The following SLC6A20 variants were observed in gnomAD, a reference collection of about 807,000 sequenced individuals.
SLC6A20 encodes the protein sodium- and chloride-dependent transporter XTRP3.
A neutral mutation model predicts 64.3 loss-of-function variants in SLC6A20; 73 were observed. The ratio of observed to expected loss-of-function variants is 1.14; its 90% CI spans 0.94 to 1.38. The LOEUF is 1.38. SLC6A20 is among the 40% of genes most tolerant of loss of function. The pLI is 0.00. For synonymous variants in SLC6A20, 347 were observed against 329.6 expected, an observed-to-expected ratio of 1.05 and a Z score of -0.57; for missense variants, 725 against 772.8, an observed-to-expected ratio of 0.94 and a Z score of 0.73.
chr3:45,787,977 G>A lies in SLC6A20; in HGVS notation c.122-5754C>T, dbSNP rs558674056. On this transcript the variant is annotated intron_variant, in intron 1 of 10. Coordinates refer to ENST00000358525, the MANE Select transcript of SLC6A20 (RefSeq NM_020208.4). ...GTGGAATAACTTTGGATAGGGTCTC[G>A]CTCTGTTGCCCAGGCTGGAGTGCAG... Among the ~76,000 whole-genome samples, 10 of 152,124 alleles carry A rather than the reference G, an allele frequency of 6.6e-5. No homozygotes were observed. In the South Asian group the frequency reaches 1.2e-3, roughly 19 times the overall value.
rs1313329174 is a variant in SLC6A20 at position 45,765,034 on chromosome 3, G to A, written c.1303+503C>T. On this transcript the variant is annotated intron_variant, in intron 8 of 10. Coordinates refer to ENST00000358525, the MANE Select transcript of SLC6A20 (RefSeq NM_020208.4). This position sits in a 1 kb window ranked among gnomAD's most constrained non-coding sequence, Gnocchi z 4.2. ...TCGAGACCAGCCTGGCCAACATGGT[G>A]AAACCCCTTCTCTACTAAAAATACA... Among the ~76,000 whole-genome samples the A allele has an allele frequency of 6.6e-6, 1 of 151,758 alleles. No individual in the cohort carries two copies. Among genetic ancestry groups the A allele is most frequent in the Non-Finnish European group, 1.5e-5 (1 of 67,922 alleles).
At position 45,765,665 on chromosome 3, in the gene SLC6A20, G is replaced by C. The variant is rs545433275; in HGVS notation, c.1175C>G (p.Ser392Trp). 3.0e-5 allele frequency: 49 copies of C among 1,614,048 alleles called. No individual in the cohort carries two copies. Among genetic ancestry groups the C allele is most frequent in the Non-Finnish European group, 4.0e-5 (47 of 1,180,036 alleles). ...CAGCAGCATGAAGAAGTAGAGCACC[G>C]ACCACAGCTGGGACACCTCCATGTT... ...IKNMEVSQLW[S>W]VLYFFMLLML... Residue 392 changes from serine to tryptophan, a missense_variant, in exon 8 of 11, where the codon TCG becomes TGG. By Grantham distance (177) the Ser-to-Trp change is radical. Coordinates refer to ENST00000358525, the MANE Select transcript of SLC6A20 (RefSeq NM_020208.4). The surrounding 1 kb of genome is among the most constrained non-coding windows in gnomAD (Gnocchi z 4.2).
chr3:45,764,469 A>G (rs1699738205), intron 8 of SLC6A20, among the ~76,000 whole-genome samples: 1 of 152,186 alleles, frequency 6.6e-6, no homozygotes, highest in Non-Finnish European at 1.5e-5. Flanking sequence ...TTGGGAGGCC[A>G]AGGCAGGCAG....
chr3:45,795,818 T>A (rs982859268), intron 1 of SLC6A20, among the ~76,000 whole-genome samples: 3 of 152,214 alleles, frequency 2.0e-5, no homozygotes, highest in African/African-American at 7.2e-5. Context: ...TTATAAAAAA[T>A]TTAAAGAAAT....
rs1303925065 is a variant in SLC6A20 at position 45,757,439 on chromosome 3, G to T, written c.*1539C>A. On this transcript the variant is annotated 3_prime_UTR_variant, in exon 11 of 11. Coordinates refer to ENST00000358525, the MANE Select transcript of SLC6A20 (RefSeq NM_020208.4). ...AGAGGTCCCTGCAGCTTTCTGCTGT[G>T]CATTGTGTCCCTGGTTAATCGAGAA... The T allele has an allele frequency of 3.3e-5, 5 of 152,268 alleles. No homozygotes were observed. The highest frequency in any genetic ancestry group is 7.3e-5 in the Non-Finnish European group (5 of 68,128). The allele number at this position is 152,268 out of a possible 1,614,324, so 9.4% of individuals were successfully genotyped here. A position where few individuals can be genotyped will look rare whatever the true frequency, so the allele number is the denominator to read the frequency against.
At chr3:45,781,111 A>G (rs1700077663) in intron 2 of SLC6A20, among the ~76,000 whole-genome samples, 1 of 152,078 alleles carries the variant, frequency 6.6e-6, no homozygotes, top group Non-Finnish European at 1.5e-5. Flanking sequence ...ATTCCAGCTC[A>G]TCAGGAGGCT....
Position 45,765,728 on chromosome 3 carries a change from G to T in SLC6A20, c.1112C>A (p.Thr371Asn). ...ESELDTAVQG[T>N]GLAFIVYTEA... ...TGTGTAGACGATGAATGCCAGGCCA[G>T]TGCCCTGGACGGCCTGCCCAGGGTG... is the stretch of plus-strand genomic sequence containing the variant. Residue 371 changes from threonine (T) to asparagine (N), a missense_variant, in exon 8 of 11, where the codon ACT becomes AAT. By Grantham distance (65) the Thr-to-Asn change is moderately conservative. Transcript: ENST00000358525. This position sits in a 1 kb window ranked among gnomAD's most constrained non-coding sequence, Gnocchi z 4.2. 1 of 1,614,136 alleles carries T rather than the reference G, an allele frequency of 6.2e-7. No individual in the cohort carries two copies. Among genetic ancestry groups the T allele is most frequent in the Admixed American group, 1.7e-5 (1 of 60,028 alleles).
intron 8 of SLC6A20, among the ~76,000 whole-genome samples, chr3:45,764,394 C>G (rs191640010): frequency 6.6e-6 from 1 of 152,240 alleles, no homozygotes; most frequent in African/African-American, 2.4e-5. Flanking sequence ...AATAGGACTT[C>G]GTTCATATGA....
chr3:45,796,215 G>GT, intron 1 of SLC6A20, 84 bp downstream of exon 1: 1 of 1,529,024 alleles, frequency 6.5e-7, no homozygotes, highest in Non-Finnish European at 8.8e-7. Context: ...GTGCCGTTCT[G>GT]TAACTTGGGT....
At chr3:45,790,039 A>T (rs1700224375) in intron 1 of SLC6A20, among the ~76,000 whole-genome samples, 1 of 152,204 alleles carries the variant, frequency 6.6e-6, no homozygotes, top group Admixed American at 6.5e-5. Context: ...ATCTCACTAG[A>T]AGAGACATTC....
At chr3:45,770,810 C>T (rs915237898) in intron 6 of SLC6A20, among the ~76,000 whole-genome samples, 1 of 152,156 alleles carries the variant, frequency 6.6e-6, no homozygotes, top group Admixed American at 6.5e-5. Context: ...TTGTAAATAG[C>T]CACTTGTGGC....
intron 4 of SLC6A20, among the ~76,000 whole-genome samples, chr3:45,773,154 TGGA>T (rs1438610137): frequency 2.0e-5 from 3 of 151,900 alleles, no homozygotes; most frequent in Admixed American, 1.3e-4. Context: ...ATCTGCAGCT[TGGA>T]GGAGGACAGA....
chr3:45,777,130 C>T (rs529557477), intron 3 of SLC6A20, among the ~76,000 whole-genome samples: 62 of 152,250 alleles, frequency 4.1e-4, no homozygotes, highest in Admixed American at 9.8e-4. Context: ...TAGACAAAAA[C>T]GCATCATTAA....
In SLC6A20 at chr3:45,758,968, A is replaced by G. The variant is rs781375755; in HGVS notation, c.*10T>C. On this transcript the variant is annotated 3_prime_UTR_variant, in exon 11 of 11. Coordinates refer to ENST00000358525, the MANE Select transcript of SLC6A20 (RefSeq NM_020208.4). The stretch of plus-strand genomic sequence containing the variant: ...TCTGTAAAACCGTGAGCGGCTGGGA[A>G]GCCCACATCTCAGGCCACGGGGTCT... 4.4e-6 allele frequency: 7 copies of G among 1,588,678 alleles called. No individual in the cohort carries two copies. In the African/African-American group the frequency reaches 6.8e-5, roughly 15 times the overall value.
Position 45,782,185 on chromosome 3 carries a change from C to T in SLC6A20, c.160G>A (p.Glu54Lys), listed in dbSNP as rs1165244001. ...TCCAGGTACAAGAGCGGCATTCCCT[C>T]CACGATAAGCATGATGATGTAGGGG... ...LVPYIIMLIV[E>K]GMPLLYLELA... Residue 54 changes from glutamate to lysine, a missense_variant, in exon 2 of 11, where the codon GAG (glutamate) becomes AAG (lysine). Glu to Lys is a moderately conservative substitution (Grantham distance 56). Coordinates refer to ENST00000358525, the MANE Select transcript of SLC6A20 (RefSeq NM_020208.4). 3 of 1,613,930 alleles carry T rather than the reference C, an allele frequency of 1.9e-6. No homozygotes were observed. The South Asian group carries it at 3.3e-5, about 18-fold the overall frequency.
chr3:45,790,979 AT>A (rs1235012049), intron 1 of SLC6A20, among the ~76,000 whole-genome samples: 1 of 152,042 alleles, frequency 6.6e-6, no homozygotes, highest in Non-Finnish European at 1.5e-5. Context: ...TTCACCCCTA[AT>A]TCTACATGAT....
chr3:45,772,764 C>T (rs1270078593), intron 4 of SLC6A20, 149 bp from the exon 5 acceptor site: 2 of 681,728 alleles, frequency 2.9e-6, no homozygotes, highest in Non-Finnish European at 5.0e-6. Flanking sequence ...CTTGGTCACA[C>T]ACAGGCTCTG....
chr3:45,779,595 C>T (rs1037723686), intron 3 of SLC6A20, among the ~76,000 whole-genome samples: 9 of 152,096 alleles, frequency 5.9e-5, no homozygotes, highest in African/African-American at 9.7e-5. Flanking sequence ...GAGAAGGGGA[C>T]GGGGAGGAAG....
intron 1 of SLC6A20, among the ~76,000 whole-genome samples, chr3:45,793,608 G>A (rs1008636850): frequency 6.6e-6 from 1 of 152,248 alleles, no homozygotes; most frequent in South Asian, 2.1e-4. Flanking sequence ...GAGCAGGAAG[G>A]AAACAAGCCT....
Sources: allele counts gnomAD v4.1 joint callset (sites outside exome capture counted in the v4.1 genomes callset), GRCh38; gene constraint gnomAD v4.1.1; non-coding constraint Gnocchi (gnomAD v3.1); transcripts MANE v1.5; gene names NCBI Gene and HGNC (gene_info 2026-07-23, HGNC 2026-07-21).